GPC6: variants seen among roughly 807,000 people sequenced by gnomAD.
GPC6 encodes the protein glypican 6.
A neutral mutation model predicts 55.2 loss-of-function variants in GPC6; 14 were observed. That is an observed-to-expected ratio of 0.25 (90% CI 0.17 to 0.40). The LOEUF (loss-of-function observed/expected upper bound fraction) is 0.40, where lower values mean the gene tolerates loss of function less well. Among genes scored for constraint, GPC6 ranks in the 10% least tolerant of loss-of-function variants. GPC6 has a pLI of 1.00. For synonymous variants in GPC6, 278 were observed against 259.6 expected (o/e 1.07, Z -0.68); for missense variants, 641 against 708.5 (o/e 0.90, Z 1.08).
chr13:93,596,508 C>A (rs112964165), intron 2 of GPC6, among the ~76,000 whole-genome samples: 2,396 of 151,076 alleles, frequency 0.016, 72 homozygotes, highest in African/African-American at 0.055. Flanking sequence ...TGTTGATCCT[C>A]GACAACGTAA....
intron 6 of GPC6, among the ~76,000 whole-genome samples, chr13:94,379,352 A>C (rs565393468): frequency 1.6e-4 from 25 of 152,300 alleles, no homozygotes; most frequent in Non-Finnish European, 3.1e-4. Flanking sequence ...CGGCATCTAC[A>C]TTTCTCACTG....
At chr13:93,927,403 T>A (rs1389803698) in intron 3 of GPC6, among the ~76,000 whole-genome samples, 4 of 152,192 alleles carry the variant, frequency 2.6e-5, no homozygotes, top group African/African-American at 9.7e-5. Context: ...TGAGGTTAAC[T>A]TGGTTATATA....
intron 2 of GPC6, among the ~76,000 whole-genome samples, chr13:93,716,730 A>G (rs1288526146): frequency 6.6e-6 from 1 of 151,622 alleles, no homozygotes; most frequent in Non-Finnish European, 1.5e-5. Context: ...GCCTAAGTGT[A>G]CAGTGTTTAT....
intron 2 of GPC6, among the ~76,000 whole-genome samples, chr13:93,617,519 A>G (rs1878773083): frequency 6.6e-6 from 1 of 152,108 alleles, no homozygotes; most frequent in African/African-American, 2.4e-5. Flanking sequence ...GTAGCTCAGA[A>G]GCTTTCTGAG....
chr13:93,913,280 G>A (rs748314276), intron 3 of GPC6, among the ~76,000 whole-genome samples: 10 of 152,160 alleles, frequency 6.6e-5, no homozygotes, highest in Non-Finnish European at 1.2e-4. Flanking sequence ...GGAATGTGCC[G>A]GAAGATGGTG....
intron 2 of GPC6, among the ~76,000 whole-genome samples, chr13:93,718,131 T>A (rs1361543952): frequency 6.6e-6 from 1 of 151,946 alleles, no homozygotes; most frequent in African/African-American, 2.4e-5. Flanking sequence ...TACCCACTAA[T>A]GGAATTGCTG....
intron 2 of GPC6, among the ~76,000 whole-genome samples, chr13:93,665,348 A>T (rs1384039515): frequency 6.6e-6 from 1 of 152,208 alleles, no homozygotes; most frequent in African/African-American, 2.4e-5. Flanking sequence ...GCAGCACTCT[A>T]TGTAAAGTAC....
intron 2 of GPC6, among the ~76,000 whole-genome samples, chr13:93,694,572 C>A (rs905209461): frequency 6.6e-6 from 1 of 152,070 alleles, no homozygotes; most frequent in Non-Finnish European, 1.5e-5. Flanking sequence ...AATGCCTTAC[C>A]CTTGCAAGAT....
intron 4 of GPC6, among the ~76,000 whole-genome samples, chr13:94,240,833 G>A (rs1891034985): frequency 6.6e-6 from 1 of 152,054 alleles, no homozygotes; most frequent in Non-Finnish European, 1.5e-5. Context: ...TTAGGCACCT[G>A]CAGGAATGGT....
intron 1 of GPC6, among the ~76,000 whole-genome samples, chr13:93,515,254 G>T (rs540545638): frequency 6.6e-6 from 1 of 152,058 alleles, no homozygotes; most frequent in Non-Finnish European, 1.5e-5. Context: ...GGAGTTTTCA[G>T]CCTCCAGAAC....
chr13:93,478,784 T>C (rs1011670119), intron 1 of GPC6, among the ~76,000 whole-genome samples: 2 of 152,200 alleles, frequency 1.3e-5, no homozygotes, highest in Non-Finnish European at 2.9e-5. Flanking sequence ...CTTTGGAAGA[T>C]AACCTCCCAA....
chr13:94,206,845 C>A (rs923370773), intron 4 of GPC6, among the ~76,000 whole-genome samples: 3 of 151,960 alleles, frequency 2.0e-5, no homozygotes, highest in Admixed American at 6.6e-5. Flanking sequence ...AGCGTGAGAC[C>A]CTGTTTCAAA....
At chr13:93,569,444 A>C (rs1876292404) in intron 2 of GPC6, among the ~76,000 whole-genome samples, 1 of 152,030 alleles carries the variant, frequency 6.6e-6, no homozygotes, top group Admixed American at 6.6e-5. Context: ...AATTTCAATC[A>C]ACTTCCTCAT....
At chr13:94,244,962 T>G (rs941119576) in intron 4 of GPC6, among the ~76,000 whole-genome samples, 10 of 152,200 alleles carry the variant, frequency 6.6e-5, no homozygotes, top group Admixed American at 5.9e-4. Context: ...ATGGTTACTA[T>G]ATAGTGGAAC....
chr13:93,725,099 T>G (rs1396285064), intron 2 of GPC6, among the ~76,000 whole-genome samples: 1 of 152,090 alleles, frequency 6.6e-6, no homozygotes, highest in Admixed American at 6.6e-5. Flanking sequence ...GAAGCTAGGT[T>G]TAGTCATTTT....
At chr13:93,832,191 C>A (rs1324335383) in intron 3 of GPC6, among the ~76,000 whole-genome samples, 3 of 110,510 alleles carry the variant, frequency 2.7e-5, no homozygotes, top group Admixed American at 1.1e-4. Flanking sequence ...ACCAAAGAAA[C>A]TAGAGCCCCA....
intron 3 of GPC6, among the ~76,000 whole-genome samples, chr13:93,934,830 T>G (rs1217653898): frequency 6.7e-6 from 1 of 148,262 alleles, no homozygotes; most frequent in East Asian, 2.0e-4. Flanking sequence ...TTATATAAAT[T>G]TAAGGATACA....
chr13:93,399,635 G>T (rs1424364352), intron 1 of GPC6, among the ~76,000 whole-genome samples: 2 of 152,190 alleles, frequency 1.3e-5, no homozygotes, highest in East Asian at 3.9e-4. Context: ...TCATGCTGTT[G>T]AACATATTTA....
intron 3 of GPC6, among the ~76,000 whole-genome samples, chr13:93,936,301 A>C (rs1339822582): frequency 6.6e-6 from 1 of 152,174 alleles, no homozygotes; most frequent in South Asian, 2.1e-4. Context: ...ATCTGCAAGA[A>C]AATATTAGTT....
Sources: gnomAD v4.1 joint callset for allele counts (sites outside exome capture counted in the v4.1 genomes callset) on GRCh38, gnomAD v4.1.1 for gene constraint, MANE v1.5 for transcripts, NCBI Gene and HGNC (gene_info 2026-07-23, HGNC 2026-07-21) for gene names.